DHX57: variants seen among roughly 807,000 people sequenced by gnomAD.
DHX57 encodes the protein putative ATP-dependent RNA helicase DHX57.
In DHX57, 105 loss-of-function variants were observed where a neutral mutation model predicts 156.2. The observed-to-expected ratio is 0.67, with a 90% CI of 0.57 to 0.79. The LOEUF (loss-of-function observed/expected upper bound fraction) is 0.79, where lower values mean the gene tolerates loss of function less well. Ranked by LOEUF, DHX57 falls within the 30% of genes least tolerant of loss-of-function variation. DHX57 has a pLI of 0.00. For missense variants in DHX57, 1,847 were observed against 1,661.9 expected (o/e 1.11, Z -1.94); for synonymous variants, 704 against 595.6 (o/e 1.18, Z -2.65).
intron 13 of DHX57, among the ~76,000 whole-genome samples, chr2:38,830,146 A>G (rs1671305038): frequency 6.6e-6 from 1 of 152,238 alleles, no homozygotes. Flanking sequence ...CTGTCAGCAG[A>G]GAACTCATGA....
chr2:38,849,634 A>G (rs1443317935), intron 9 of DHX57, among the ~76,000 whole-genome samples: 4 of 152,070 alleles, frequency 2.6e-5, no homozygotes, highest in Middle Eastern at 3.2e-3. Context: ...ACAAGGCTCT[A>G]TATGGCACGG....
chr2:38,820,152 A>T (rs1484916728), intron 17 of DHX57, among the ~76,000 whole-genome samples: 1 of 152,172 alleles, frequency 6.6e-6, no homozygotes, highest in Non-Finnish European at 1.5e-5. Context: ...CTTATAACTA[A>T]TACAATAGCA....
intron 21 of DHX57, among the ~76,000 whole-genome samples, chr2:38,813,602 G>A (rs1670381786): frequency 6.6e-6 from 1 of 152,066 alleles, no homozygotes; most frequent in Non-Finnish European, 1.5e-5. Context: ...TCGATCTCCT[G>A]ACCTCGTGAT....
At chr2:38,804,255 C>T (rs557001099) in intron 22 of DHX57, among the ~76,000 whole-genome samples, 1 of 152,266 alleles carries the variant, frequency 6.6e-6, no homozygotes, top group Non-Finnish European at 1.5e-5. Context: ...CTTTGGGAAA[C>T]TGAGGCAGGT....
At position 38,861,505 on chromosome 2, in the gene DHX57, A is replaced by G. The variant is rs191514463; in HGVS notation, c.905T>C (p.Leu302Pro). The change falls in exon 5 of 24, where the codon CTT becomes CCT. Residue 302 changes from leucine to proline, a missense_variant. Coordinates refer to ENST00000457308, the MANE Select transcript of DHX57 (RefSeq NM_198963.3). ...TTTGAGGTAAAATTTACAGATTTCA[A>G]GTGAATTCTCTTGTACATTTTTGGT... ...ESTKNVQENS[L>P]EICKFYLKGN... The G allele has an allele frequency of 5.6e-6, 9 of 1,614,136 alleles. No homozygotes were observed. The East Asian group carries it at 1.8e-4, about 32-fold the overall frequency.
intron 12 of DHX57, 84 bp downstream of exon 12, chr2:38,842,921 T>A: frequency 7.0e-7 from 1 of 1,434,544 alleles, no homozygotes; most frequent in Non-Finnish European, 9.7e-7. Context: ...ACAAGAATCA[T>A]ATTTTTCTTC....
intron 1 of DHX57, among the ~76,000 whole-genome samples, chr2:38,870,785 A>G (rs1450692773): frequency 6.6e-6 from 1 of 152,158 alleles, no homozygotes; most frequent in Non-Finnish European, 1.5e-5. Flanking sequence ...AGGCTGAGGC[A>G]GGAGAATCAC....
chr2:38,804,663 C>A (rs1212579142), intron 22 of DHX57, among the ~76,000 whole-genome samples: 11 of 151,700 alleles, frequency 7.3e-5, no homozygotes, highest in Non-Finnish European at 1.5e-5. Context: ...TCCCACCACT[C>A]TCACCCTTGA....
At chr2:38,822,270 G>A (rs145677118) in intron 17 of DHX57, among the ~76,000 whole-genome samples, 2 of 151,972 alleles carry the variant, frequency 1.3e-5, no homozygotes, top group African/African-American at 2.4e-5. Context: ...TAGTAGAGAC[G>A]GGGTTTCTCC....
In DHX57 at chr2:38,828,736, A is replaced by G. The variant is rs527288477; in HGVS notation, c.2543-300T>C. Among the ~76,000 whole-genome samples, 6 of 152,060 alleles carry G rather than the reference A, an allele frequency of 3.9e-5. 1 individual carries two copies. In the South Asian group the frequency reaches 8.3e-4, roughly 21 times the overall value. On this transcript the variant is annotated intron_variant, in intron 13 of 23. Transcript: ENST00000457308. ...AGACCCTTTCTCAAAAAAAAAAAAAAAGAGAAATTTTCACTATCAGTTTTA... is the reference window on the plus strand; with the variant it reads ...AGACCCTTTCTCAAAAAAAAAAAAAGAGAGAAATTTTCACTATCAGTTTTA...
At chr2:38,820,048 G>C (rs935508876) in intron 17 of DHX57, among the ~76,000 whole-genome samples, 5 of 152,096 alleles carry the variant, frequency 3.3e-5, no homozygotes. Context: ...AGTTTCTCAT[G>C]GCAATCTAAA....
chr2:38,875,529 C>T (rs1010858), intron 1 of DHX57, among the ~76,000 whole-genome samples: 90,028 of 151,908 alleles, frequency 0.59, 28,819 homozygotes, highest in East Asian at 0.81. Flanking sequence ...CACGCCCCGC[C>T]CCCCCCGGCC....
intron 23 of DHX57, among the ~76,000 whole-genome samples, chr2:38,798,933 ACT>A (rs994527245): frequency 3.3e-5 from 5 of 151,710 alleles, no homozygotes; most frequent in African/African-American, 9.7e-5. Flanking sequence ...ACATAGCGAG[ACT>A]CTGTCCCCCC....
intron 21 of DHX57, among the ~76,000 whole-genome samples, chr2:38,812,302 T>C: frequency 6.6e-6 from 1 of 152,232 alleles, no homozygotes; most frequent in East Asian, 1.9e-4. Context: ...TTGAAAAGCA[T>C]ACAAATGCTA....
intron 13 of DHX57, among the ~76,000 whole-genome samples, chr2:38,834,351 AGT>A (rs1671541022): frequency 1.5e-5 from 2 of 137,844 alleles, no homozygotes; most frequent in Non-Finnish European, 1.6e-5. Context: ...AAAAAAAAAA[AGT>A]GGTATTAAAT....
chr2:38,837,518 G>A (rs1180539371), intron 13 of DHX57, among the ~76,000 whole-genome samples: 1 of 149,354 alleles, frequency 6.7e-6, no homozygotes, highest in African/African-American at 2.5e-5. Flanking sequence ...GGCTGAGGCA[G>A]GAGAATCGCT....
intron 13 of DHX57, among the ~76,000 whole-genome samples, chr2:38,829,585 T>C (rs1671279549): frequency 6.6e-6 from 1 of 152,112 alleles, no homozygotes; most frequent in East Asian, 1.9e-4. Context: ...GGCAACTTTC[T>C]ATTTTTTTAT....
At chr2:38,834,261 G>C (rs866372217) in intron 13 of DHX57, among the ~76,000 whole-genome samples, 11 of 147,424 alleles carry the variant, frequency 7.5e-5, no homozygotes, top group African/African-American at 2.5e-4. Context: ...AACCTGGGAA[G>C]CGGAGGTTGC....
At chr2:38,826,164 A>G (rs1671077463) in intron 15 of DHX57, 117 bp from the exon 16 acceptor site, 2 of 1,078,376 alleles carry the variant, frequency 1.9e-6, no homozygotes, top group Non-Finnish European at 2.6e-6. Context: ...AGTGCCCTGT[A>G]TATTCTGGGA....
Sources: allele counts gnomAD v4.1 joint callset (sites outside exome capture counted in the v4.1 genomes callset), GRCh38; gene constraint gnomAD v4.1.1; transcripts MANE v1.5; gene names NCBI Gene and HGNC (gene_info 2026-07-23, HGNC 2026-07-21).